The following GABRB3 variants were observed in gnomAD, a reference collection of about 807,000 sequenced individuals.
GABRB3 encodes the protein gamma-aminobutyric acid type A receptor subunit beta3.
A neutral mutation model predicts 52.1 loss-of-function variants in GABRB3; 14 were observed. That is an observed-to-expected ratio of 0.27 (90% CI 0.18 to 0.42). The LOEUF (loss-of-function observed/expected upper bound fraction) is 0.42. Ranked by LOEUF, GABRB3 falls within the 10% of genes least tolerant of loss-of-function variation. The pLI is 1.00. For synonymous variants in GABRB3, 260 were observed against 232.3 expected, an observed-to-expected ratio of 1.12 and a Z score of -1.08; for missense variants, 307 against 609.1, an observed-to-expected ratio of 0.50 and a Z score of 5.22.
chr15:26,773,736 T>A, upstream of GABRB3: 1 of 1,557,108 alleles, frequency 6.4e-7, no homozygotes, highest in Non-Finnish European at 8.7e-7. Context: ...GCGCTGTTCC[T>A]CCGGCCTAAC....
At position 26,547,746 on chromosome 15, in the gene GABRB3, T is replaced by G; in HGVS notation, c.*47A>C. 1 of 1,493,824 alleles carries G rather than the reference T, an allele frequency of 6.7e-7. No individual in the cohort carries two copies. Among genetic ancestry groups the G allele is most frequent in the Non-Finnish European group, 9.3e-7 (1 of 1,071,810 alleles). 92.5% of individuals were successfully genotyped at this position (1,493,824 alleles called of 1,614,324 possible). On this transcript the variant is annotated 3_prime_UTR_variant, in exon 9 of 9. Coordinates refer to ENST00000311550, the MANE Select transcript of GABRB3 (RefSeq NM_000814.6). The stretch of plus-strand genomic sequence containing the variant: ...TAAAAACTTGACAGGCAGAGTAATA[T>G]TTCACTCAGTGTTAAATGAAGTCTT...
intron 3 of GABRB3, chr15:26,628,835 G>T: frequency 1.2e-6 from 1 of 848,294 alleles, no homozygotes; most frequent in Non-Finnish European, 1.8e-6. Context: ...AGACGAAAGG[G>T]GGCCAGCAGA....
intron 3 of GABRB3, among the ~76,000 whole-genome samples, chr15:26,716,300 C>A (rs562505998): frequency 6.6e-6 from 1 of 152,108 alleles, no homozygotes; most frequent in Non-Finnish European, 1.5e-5. Context: ...GCACATCCAA[C>A]AAAGAGGTAG....
intron 3 of GABRB3, among the ~76,000 whole-genome samples, chr15:26,761,688 A>C (rs1387185226): frequency 6.6e-6 from 1 of 152,156 alleles, no homozygotes; most frequent in Non-Finnish European, 1.5e-5. Flanking sequence ...CACAGCCCCC[A>C]GGAGGAATCT....
chr15:26,633,766 A>G (rs1313451031), intron 3 of GABRB3, among the ~76,000 whole-genome samples: 1 of 152,100 alleles, frequency 6.6e-6, no homozygotes, highest in Non-Finnish European at 1.5e-5. Context: ...TCCTGTTACC[A>G]TTTATCCTTC....
chr15:26,685,427 A>G (rs1888370309), intron 3 of GABRB3, among the ~76,000 whole-genome samples: 3 of 152,094 alleles, frequency 2.0e-5, no homozygotes, highest in South Asian at 4.1e-4. Context: ...ATCCAACTCT[A>G]TAACAGCACA....
chr15:26,710,132 G>A (rs992962502), intron 3 of GABRB3, among the ~76,000 whole-genome samples: 1 of 152,168 alleles, frequency 6.6e-6, no homozygotes, highest in African/African-American at 2.4e-5. Flanking sequence ...TTGCCAAATA[G>A]TATTACATGG....
chr15:26,628,095 C>T (rs573325904), intron 3 of GABRB3, among the ~76,000 whole-genome samples: 1 of 152,296 alleles, frequency 6.6e-6, no homozygotes, highest in African/African-American at 2.4e-5. Flanking sequence ...TTCAGCAATA[C>T]AGTATTTTCA....
chr15:26,604,024 T>C (rs925735454), intron 4 of GABRB3, among the ~76,000 whole-genome samples: 1 of 152,062 alleles, frequency 6.6e-6, no homozygotes, highest in Non-Finnish European at 1.5e-5. Context: ...TTGGAAAACC[T>C]TGAGACTCCA....
intron 3 of GABRB3, among the ~76,000 whole-genome samples, chr15:26,759,372 T>G (rs1183567708): frequency 6.6e-6 from 1 of 152,210 alleles, no homozygotes; most frequent in East Asian, 1.9e-4. Context: ...GCAATTCTCC[T>G]GCCTCAGCCC....
At chr15:26,558,825 C>T (rs1001746495) in intron 8 of GABRB3, among the ~76,000 whole-genome samples, 22 of 149,594 alleles carry the variant, frequency 1.5e-4, no homozygotes, top group Non-Finnish European at 2.8e-4. Context: ...GCAACAAGAG[C>T]GAAACTCCAT....
chr15:26,554,037 T>TATAGATATA (rs59100810), intron 8 of GABRB3, among the ~76,000 whole-genome samples: 1 of 58,486 alleles, frequency 1.7e-5, no homozygotes. Flanking sequence ...ATATATATAT[T>TATAGATATA]TATTTATTTA....
chr15:26,596,802 T>A (rs1891410877), intron 4 of GABRB3, among the ~76,000 whole-genome samples: 1 of 152,188 alleles, frequency 6.6e-6, no homozygotes, highest in Non-Finnish European at 1.5e-5. Context: ...TCATTTTCTG[T>A]TGCTTGTAAC....
intron 3 of GABRB3, among the ~76,000 whole-genome samples, chr15:26,679,829 T>C (rs1381959768): frequency 6.6e-6 from 1 of 152,176 alleles, no homozygotes; most frequent in Non-Finnish European, 1.5e-5. Flanking sequence ...ATCTAACTCC[T>C]CACTCTCTAA....
intron 3 of GABRB3, among the ~76,000 whole-genome samples, chr15:26,731,796 C>A (rs1889921566): frequency 6.6e-6 from 1 of 152,326 alleles, no homozygotes; most frequent in African/African-American, 2.4e-5. Context: ...TCCTGCATAC[C>A]ATTTAGCGGT....
intron 4 of GABRB3, among the ~76,000 whole-genome samples, chr15:26,597,276 T>C (rs1891426331): frequency 6.6e-6 from 1 of 152,172 alleles, no homozygotes; most frequent in Admixed American, 6.5e-5. Flanking sequence ...TTTTAATAAA[T>C]TGGCTCATGT....
At chr15:26,554,176 G>GAGTGTATATATATATATATATA (rs71420007) in intron 8 of GABRB3, among the ~76,000 whole-genome samples, 1 of 27,334 alleles carries the variant, frequency 3.7e-5, no homozygotes, top group African/African-American at 1.1e-4. Context: ...TATATATAAA[G>GAGTGTATATATATATATATATA]TATATATATA....
intron 3 of GABRB3, among the ~76,000 whole-genome samples, chr15:26,758,112 C>A (rs1458875765): frequency 6.7e-6 from 1 of 149,406 alleles, no homozygotes; most frequent in Non-Finnish European, 1.5e-5. Context: ...CGTAGAGGTG[C>A]AACCTAGAAA....
At chr15:26,589,872 T>G (rs1418316837) in intron 4 of GABRB3, among the ~76,000 whole-genome samples, 1 of 152,112 alleles carries the variant, frequency 6.6e-6, no homozygotes, top group Non-Finnish European at 1.5e-5. Context: ...TAAGCTGAAG[T>G]GTGGGACTCG....
Sources: gnomAD v4.1 joint callset for allele counts (sites outside exome capture counted in the v4.1 genomes callset) on GRCh38, gnomAD v4.1.1 for gene constraint, MANE v1.5 for transcripts, NCBI Gene and HGNC (gene_info 2026-07-23, HGNC 2026-07-21) for gene names.